Variants in CENPP observed in about 807,000 individuals in gnomAD.
CENPP encodes the protein centromere protein P.
A neutral mutation model predicts 35.6 loss-of-function variants in CENPP; 24 were observed. The observed-to-expected ratio is 0.67, with a 90% CI of 0.49 to 0.95. CENPP has a LOEUF of 0.95. CENPP is among the 40% of genes least tolerant of loss of function. CENPP has a pLI of 0.00. For synonymous variants in CENPP, 120 were observed against 125.5 expected (o/e 0.96, Z 0.29); for missense variants, 332 against 345.3 (o/e 0.96, Z 0.31).
At chr9:92,386,219 T>C (rs1842414403) in intron 5 of CENPP, 2 of 1,610,150 alleles carry the variant, frequency 1.2e-6, no homozygotes, top group Non-Finnish European at 1.7e-6. Context: ...GAATTACACG[T>C]AGACTTTCTG....
intron 5 of CENPP, among the ~76,000 whole-genome samples, chr9:92,557,702 G>A (rs1849757038): frequency 6.6e-6 from 1 of 152,106 alleles, no homozygotes; most frequent in Non-Finnish European, 1.5e-5. Context: ...CAGTGCAGTG[G>A]CACGATCTCG....
chr9:92,466,691 C>A (rs758355889), intron 5 of CENPP: 249 of 907,834 alleles, frequency 2.7e-4, no homozygotes, highest in Non-Finnish European at 3.8e-4. Context: ...ACTAGATCAC[C>A]CATGTAAAAA....
chr9:92,608,159 T>C (rs1381859654), intron 5 of CENPP, among the ~76,000 whole-genome samples: 1 of 152,186 alleles, frequency 6.6e-6, no homozygotes, highest in East Asian at 1.9e-4. Context: ...TCGTTCACTT[T>C]CCTTAAGCCA....
chr9:92,339,853 C>T (rs1841053692), intron 3 of CENPP: 1 of 153,724 alleles, frequency 6.5e-6, no homozygotes, highest in Non-Finnish European at 1.5e-5. Context: ...TCAGGGACTC[C>T]TGGATGTTGT....
chr9:92,366,851 C>T (rs186723566), intron 4 of CENPP, among the ~76,000 whole-genome samples: 1 of 152,278 alleles, frequency 6.6e-6, no homozygotes, highest in East Asian at 1.9e-4. Flanking sequence ...CATGGAGTTA[C>T]TGCAGGTTGA....
chr9:92,577,273 G>A (rs952317234), intron 5 of CENPP, among the ~76,000 whole-genome samples: 3 of 152,170 alleles, frequency 2.0e-5, no homozygotes, highest in African/African-American at 4.8e-5. Flanking sequence ...CAGCACTTTA[G>A]GAGGCTGAGG....
chr9:92,433,997 C>T (rs1222424358), intron 5 of CENPP, among the ~76,000 whole-genome samples: 2 of 152,120 alleles, frequency 1.3e-5, no homozygotes, highest in Non-Finnish European at 2.9e-5. Flanking sequence ...ATACTTTGTG[C>T]TCACCTTCCT....
At chr9:92,454,204 A>G (rs1844803546) in intron 5 of CENPP, among the ~76,000 whole-genome samples, 1 of 152,178 alleles carries the variant, frequency 6.6e-6, no homozygotes, top group Admixed American at 6.6e-5. Flanking sequence ...TTTTTTGCAA[A>G]CTTAAAACCA....
chr9:92,464,564 T>G (rs1040023277), intron 5 of CENPP, among the ~76,000 whole-genome samples: 2 of 152,272 alleles, frequency 1.3e-5, no homozygotes. Flanking sequence ...GGACAGGGTC[T>G]CTTGCCCCAT....
In CENPP at chr9:92,620,305, C is replaced by G. The variant is rs1052425631; in HGVS notation, c.*7156C>G. 3 of 152,476 alleles carry G rather than the reference C, an allele frequency of 2.0e-5. No homozygotes were observed. Among genetic ancestry groups the G allele is most frequent in the Non-Finnish European group, 2.9e-5 (2 of 68,256 alleles). 9.4% of individuals were successfully genotyped at this position (152,476 alleles called of 1,614,324 possible). ...ACCAGGGACAGCTCAACACACACCA[C>G]ACTGTCAGAGTCGACATACGTAAAG... is the stretch of plus-strand genomic sequence containing the variant. On this transcript the variant is annotated 3_prime_UTR_variant, in exon 8 of 8. Coordinates refer to ENST00000375587, the MANE Select transcript of CENPP (RefSeq NM_001012267.3).
chr9:92,509,393 T>G (rs1187053239), intron 5 of CENPP, among the ~76,000 whole-genome samples: 3 of 152,226 alleles, frequency 2.0e-5, no homozygotes, highest in Non-Finnish European at 4.4e-5. Flanking sequence ...AATTCCCATG[T>G]GCTTAGTTTT....
At chr9:92,351,195 A>G (rs190698659) in intron 4 of CENPP, among the ~76,000 whole-genome samples, 35 of 152,294 alleles carry the variant, frequency 2.3e-4, no homozygotes, top group African/African-American at 7.7e-4. Context: ...TTCCTCTTTT[A>G]AAACAGAAAC....
chr9:92,359,195 TGCCTTG>T (rs1841674461), intron 4 of CENPP, among the ~76,000 whole-genome samples: 2 of 152,034 alleles, frequency 1.3e-5, no homozygotes, highest in African/African-American at 4.8e-5. Flanking sequence ...GTGATCCGCC[TGCCTTG>T]GCCTTTCAAA....
chr9:92,404,478 T>C (rs1317366206), intron 5 of CENPP: 6 of 1,257,656 alleles, frequency 4.8e-6, no homozygotes, highest in Non-Finnish European at 2.1e-6. Flanking sequence ...TAAAATAATA[T>C]ATGAAAAGTA....
Position 92,337,521 on chromosome 9 carries a change from T to C in CENPP, c.290-20T>C. The C allele has an allele frequency of 1.4e-6, 2 of 1,415,840 alleles. No homozygotes were observed. The highest frequency in any genetic ancestry group is 1.2e-5 in the South Asian group (1 of 84,802). The allele number at this position is 1,415,840 out of a possible 1,614,324, so 87.7% of individuals were successfully genotyped here. On this transcript the variant is annotated intron_variant, in intron 2 of 7. Coordinates refer to ENST00000375587, the MANE Select transcript of CENPP (RefSeq NM_001012267.3). Reference sequence around the variant, plus strand: ...AAAATGGCTATTTGCAAACAAAATATTTGTTTTTCTGCTTTACAGGTATTA... The same window carrying C: ...AAAATGGCTATTTGCAAACAAAATACTTGTTTTTCTGCTTTACAGGTATTA...
chr9:92,348,161 A>G (rs1416364199), intron 4 of CENPP, among the ~76,000 whole-genome samples: 1 of 140,166 alleles, frequency 7.1e-6, no homozygotes, highest in Non-Finnish European at 1.5e-5. Context: ...GTTTTACTAC[A>G]TTGGCCAGGC....
chr9:92,526,769 T>C (rs1848439170), intron 5 of CENPP, among the ~76,000 whole-genome samples: 1 of 152,040 alleles, frequency 6.6e-6, no homozygotes, highest in Non-Finnish European at 1.5e-5. Flanking sequence ...AATTCATTAT[T>C]GAAGAAATAA....
intron 4 of CENPP, among the ~76,000 whole-genome samples, chr9:92,378,015 G>A (rs951794468): frequency 6.6e-6 from 1 of 152,154 alleles, no homozygotes; most frequent in East Asian, 1.9e-4. Flanking sequence ...AGTTAACAGA[G>A]CAACCCACTG....
At chr9:92,343,006 G>T (rs931994211) in intron 3 of CENPP, among the ~76,000 whole-genome samples, 6 of 152,140 alleles carry the variant, frequency 3.9e-5, no homozygotes, top group South Asian at 2.1e-4. Context: ...CAGCAACCTT[G>T]TGTGTTCTAA....
Sources: allele counts gnomAD v4.1 joint callset (sites outside exome capture counted in the v4.1 genomes callset), GRCh38; gene constraint gnomAD v4.1.1; transcripts MANE v1.5; gene names NCBI Gene and HGNC (gene_info 2026-07-23, HGNC 2026-07-21).